CCDC171: variants seen among roughly 807,000 people sequenced by gnomAD.
The protein encoded by CCDC171 is coiled-coil domain containing 171.
In CCDC171, 177 loss-of-function variants were observed where a neutral mutation model predicts 168.2. The ratio of observed to expected loss-of-function variants is 1.05; its 90% CI spans 0.93 to 1.19. CCDC171 has a LOEUF of 1.19. Ranked by LOEUF, CCDC171 falls within the 50% of genes most tolerant of loss-of-function variation. CCDC171 has a pLI of 0.00. For synonymous variants in CCDC171, 687 were observed against 540.8 expected, an observed-to-expected ratio of 1.27 and a Z score of -3.75; for missense variants, 1,991 against 1,539.0, an observed-to-expected ratio of 1.29 and a Z score of -4.91.
At chr9:15,890,849 G>A (rs1229205396) in intron 24 of CCDC171, among the ~76,000 whole-genome samples, 2 of 152,004 alleles carry the variant, frequency 1.3e-5, no homozygotes, top group Middle Eastern at 3.2e-3. Flanking sequence ...AGAGATTATA[G>A]GGATTATTGA....
intron 9 of CCDC171, among the ~76,000 whole-genome samples, chr9:15,667,224 C>T (rs2048795023): frequency 6.6e-6 from 1 of 152,076 alleles, no homozygotes; most frequent in Non-Finnish European, 1.5e-5. Context: ...GGGTGAAATT[C>T]ATACTACCAT....
intron 18 of CCDC171, among the ~76,000 whole-genome samples, chr9:15,770,514 C>A (rs926802868): frequency 6.6e-6 from 1 of 152,100 alleles, no homozygotes; most frequent in South Asian, 2.1e-4. Flanking sequence ...TATCATTTGT[C>A]TAAAATGATA....
intron 7 of CCDC171, among the ~76,000 whole-genome samples, chr9:15,634,593 G>C (rs577162656): frequency 4.6e-5 from 7 of 152,020 alleles, no homozygotes; most frequent in Non-Finnish European, 8.8e-5. Flanking sequence ...TTGGGGTAAG[G>C]GTGGATGCCT....
chr9:15,932,386 G>A (rs1826632243), intron 25 of CCDC171, among the ~76,000 whole-genome samples: 1 of 151,674 alleles, frequency 6.6e-6, no homozygotes, highest in Admixed American at 6.6e-5. Context: ...AAACGGAATT[G>A]TTTTCTTTAT....
At chr9:15,895,628 G>T (rs948386662) in intron 24 of CCDC171, among the ~76,000 whole-genome samples, 1 of 152,066 alleles carries the variant, frequency 6.6e-6, no homozygotes, top group African/African-American at 2.4e-5. Flanking sequence ...AGAGAGAGAA[G>T]GTGCTGAAGA....
At chr9:16,102,572 C>T in the CCDC171 span, among the ~76,000 whole-genome samples, 1 of 152,050 alleles carries the variant, frequency 6.6e-6, no homozygotes, top group Non-Finnish European at 1.5e-5. Flanking sequence ...CCTCCTTAGG[C>T]ATGGATTAAG....
At chr9:15,687,155 A>T (rs562170197) in intron 10 of CCDC171, among the ~76,000 whole-genome samples, 2 of 152,254 alleles carry the variant, frequency 1.3e-5, no homozygotes, top group African/African-American at 4.8e-5. Flanking sequence ...ACACTCCTAA[A>T]TAACCAGCAA....
intron 6 of CCDC171, among the ~76,000 whole-genome samples, chr9:15,617,755 G>T (rs577272357): frequency 6.6e-6 from 1 of 152,158 alleles, no homozygotes; most frequent in Non-Finnish European, 1.5e-5. Context: ...CCCCTCTTCT[G>T]ATGGTCTGCT....
chr9:15,576,133 T>TTGTGTGTGTGTGTG (rs202239015), intron 3 of CCDC171, among the ~76,000 whole-genome samples: 2 of 145,510 alleles, frequency 1.4e-5, no homozygotes, highest in Admixed American at 6.9e-5. Context: ...CATATTTCAG[T>TTGTGTGTGTGTGTG]TGTGTGTGTG....
At chr9:15,932,556 C>T (rs1826652323) in intron 25 of CCDC171, among the ~76,000 whole-genome samples, 1 of 151,892 alleles carries the variant, frequency 6.6e-6, no homozygotes, top group Non-Finnish European at 1.5e-5. Context: ...TTTCTGCAAA[C>T]AGAGACAACT....
At chr9:15,968,702 C>A (rs941487118) in intron 25 of CCDC171, among the ~76,000 whole-genome samples, 1 of 151,924 alleles carries the variant, frequency 6.6e-6, no homozygotes, top group Non-Finnish European at 1.5e-5. Flanking sequence ...GCCCGCCCAA[C>A]TGATTTTTAT....
At chr9:15,569,587 G>A (rs10962073) in intron 2 of CCDC171, among the ~76,000 whole-genome samples, 51,844 of 151,680 alleles carry the variant, frequency 0.34, 10,975 homozygotes, top group East Asian at 0.6. Flanking sequence ...AGGCCGAGGC[G>A]GGCGGATCAC....
At chr9:15,743,876 T>C (rs1256521373) in intron 16 of CCDC171, among the ~76,000 whole-genome samples, 1 of 152,210 alleles carries the variant, frequency 6.6e-6, no homozygotes, top group East Asian at 1.9e-4. Flanking sequence ...AAACCCTCTA[T>C]TGGCAGTGTC....
intron 18 of CCDC171, among the ~76,000 whole-genome samples, chr9:15,749,072 A>G (rs2055516927): frequency 6.6e-6 from 1 of 152,020 alleles, no homozygotes; most frequent in African/African-American, 2.4e-5. Flanking sequence ...CAGGAGACCC[A>G]TCTCACACGC....
intron 6 of CCDC171, among the ~76,000 whole-genome samples, chr9:15,605,508 T>TAGAGAC (rs2043154598): frequency 8.0e-6 from 1 of 125,360 alleles, no homozygotes; most frequent in Non-Finnish European, 1.6e-5. Context: ...TGAAACCCTG[T>TAGAGAC]CTCTACTAAA....
At chr9:15,779,376 T>C (rs1450397000) in intron 20 of CCDC171, among the ~76,000 whole-genome samples, 2 of 152,140 alleles carry the variant, frequency 1.3e-5, no homozygotes, top group Non-Finnish European at 2.9e-5. Flanking sequence ...TTCTTTTTTT[T>C]TGAGATGGAG....
chr9:15,616,977 G>T (rs904979825), intron 6 of CCDC171, among the ~76,000 whole-genome samples: 1 of 152,150 alleles, frequency 6.6e-6, no homozygotes, highest in Admixed American at 6.6e-5. Flanking sequence ...CTCGGCTTCT[G>T]GGGAGGCCTC....
intron 24 of CCDC171, among the ~76,000 whole-genome samples, chr9:15,914,952 C>T (rs553779030): frequency 2.0e-5 from 3 of 152,246 alleles, no homozygotes; most frequent in Non-Finnish European, 2.9e-5. Context: ...CACTCTGCTT[C>T]TGCTCACCCT....
rs1161932254 is a variant in CCDC171 at position 15,844,993 on chromosome 9, A to T, written c.3268-1709A>T. ...AGCAGAAGAATTTGAATGGACTGGC[A>T]CAAATGTATTGTTTTTGTTGGAAGA... is the stretch of plus-strand genomic sequence containing the variant. On this transcript the variant is annotated intron_variant, in intron 21 of 25. Coordinates refer to ENST00000380701, the MANE Select transcript of CCDC171 (RefSeq NM_173550.4). 2.6e-5 allele frequency among the ~76,000 whole-genome samples: 4 copies of T among 152,228 alleles called. 1 individual carries two copies. Among genetic ancestry groups the T allele is most frequent in the Admixed American group, 2.6e-4 (4 of 15,266 alleles).
Sources: allele counts gnomAD v4.1 joint callset (sites outside exome capture counted in the v4.1 genomes callset), GRCh38; gene constraint gnomAD v4.1.1; transcripts MANE v1.5; gene names NCBI Gene and HGNC (gene_info 2026-07-23, HGNC 2026-07-21).